Variants in KIF20B observed in about 807,000 individuals in gnomAD.
The protein encoded by KIF20B is kinesin family member 20B, also known as kinesin-like protein KIF20B.
In KIF20B, 188 loss-of-function variants were observed where a neutral mutation model predicts 232.5. The ratio of observed to expected loss-of-function variants is 0.81; its 90% CI spans 0.72 to 0.91. KIF20B has a LOEUF of 0.91. KIF20B is among the 40% of genes least tolerant of loss of function. KIF20B has a pLI of 0.00. For synonymous variants in KIF20B, 712 were observed against 683.0 expected (o/e 1.04, Z -0.66); for missense variants, 2,154 against 2,055.9 (o/e 1.05, Z -0.92).
At chr10:89,710,825 G>A in intron 5 of KIF20B, 136 bp from the exon 6 acceptor site, 1 of 571,928 alleles carries the variant, frequency 1.7e-6, no homozygotes, top group Non-Finnish European at 3.0e-6. Context: ...GGAAAACTGA[G>A]TAATCCTTAG....
At chr10:89,710,197 A>G (rs1184147073) in intron 5 of KIF20B, 132 bp downstream of exon 5, 2 of 702,204 alleles carry the variant, frequency 2.8e-6, no homozygotes, top group Non-Finnish European at 4.4e-6. Flanking sequence ...TAGTACTAGC[A>G]TATTATTACG....
In KIF20B at chr10:89,724,315, TC is replaced by T. The variant is rs559923106; in HGVS notation, c.1862+213del. ...GCCTAGGCAGGCGGATCACTGAAGG[TC>T]AGGAGGTCGAGATCAGCCTGGCCAA... On this transcript the variant is annotated intron_variant, in intron 14 of 32. Transcript: ENST00000371728. Among the ~76,000 whole-genome samples the T allele has an allele frequency of 1.5e-3, 234 of 152,216 alleles. 1 individual carries two copies. Among genetic ancestry groups the T allele is most frequent in the African/African-American group, 4.6e-3 (193 of 41,546 alleles).
At chr10:89,716,593 TTC>T in intron 9 of KIF20B, 46 bp downstream of exon 9, 1 of 919,518 alleles carries the variant, frequency 1.1e-6, no homozygotes, top group African/African-American at 1.7e-5. Context: ...ACCGATAGTA[TTC>T]TGTGTTAATT....
In KIF20B at chr10:89,705,277, T is replaced by C. The variant is rs1842699169; in HGVS notation, c.-1-17T>C. The C allele has an allele frequency of 1.9e-6, 3 of 1,612,444 alleles. No individual in the cohort carries two copies. In the South Asian group the frequency reaches 3.3e-5, roughly 18 times the overall value. ...GACTTATTAAGGTTGTTAAAGAAGT[T>C]GCTGTTATTCTTGCAGAATGGAATC... On this transcript the variant is annotated splice_polypyrimidine_tract_variant and intron_variant, in intron 1 of 32. Coordinates refer to ENST00000371728, the MANE Select transcript of KIF20B (RefSeq NM_001284259.2).
chr10:89,731,281 ATATAT>A (rs1233206390), intron 18 of KIF20B, among the ~76,000 whole-genome samples: 1 of 152,230 alleles, frequency 6.6e-6, no homozygotes, highest in African/African-American at 2.4e-5. Context: ...GCATACCATA[ATATAT>A]TAGCAATATT....
chr10:89,770,249 T>C (rs1370942355), intron 31 of KIF20B, among the ~76,000 whole-genome samples: 1 of 152,054 alleles, frequency 6.6e-6, no homozygotes, highest in Admixed American at 6.6e-5. Context: ...CTGAGGTGCT[T>C]CTGTAAGTTT....
rs764038536 is a variant in KIF20B at position 89,773,956 on chromosome 10, A to G, written c.5386-15A>G. On this transcript the variant is annotated splice_polypyrimidine_tract_variant and intron_variant, in intron 32 of 32. Transcript: ENST00000371728. The stretch of plus-strand genomic sequence containing the variant: ...ACTTACAAGCTTTGAAAAACTATGA[A>G]ATTTTTAATTTCAGATTTTAATGGA... 19 of 1,491,814 alleles carry G rather than the reference A, an allele frequency of 1.3e-5. No homozygotes were observed. The highest frequency in any genetic ancestry group is 1.7e-5 in the Non-Finnish European group (19 of 1,097,130). 92.4% of individuals were successfully genotyped at this position (1,491,814 alleles called of 1,614,324 possible).
chr10:89,761,360 C>G (rs902443878), intron 28 of KIF20B, among the ~76,000 whole-genome samples: 1 of 150,938 alleles, frequency 6.6e-6, no homozygotes, highest in Non-Finnish European at 1.5e-5. Flanking sequence ...CCAAGGAACA[C>G]TGAGGAAGAT....
In KIF20B at chr10:89,737,398, G is replaced by T. The variant is rs762003553; in HGVS notation, c.2557G>T (p.Val853Phe). 9.5e-6 allele frequency: 15 copies of T among 1,573,552 alleles called. No homozygotes were observed. In the African/African-American group the frequency reaches 1.7e-4, roughly 17 times the overall value. Residue 853 changes from valine to phenylalanine, a missense_variant, in exon 20 of 33, where the codon GTT (valine) becomes TTT (phenylalanine). Val to Phe is a conservative substitution (Grantham distance 50, BLOSUM62 -1). Transcript: ENST00000371728. ...TCTTATTTTTAAAGGGTCTATCCAT[G>T]TTAGTTCAGCTATCACTGAAGACCA... ...EPPAKKGSIH[V>F]SSAITEDQKK...
Position 89,745,889 on chromosome 10 carries a change from C to G in KIF20B, c.4036-10C>G. 2 of 1,560,164 alleles carry G rather than the reference C, an allele frequency of 1.3e-6. No homozygotes were observed. The highest frequency in any genetic ancestry group is 1.8e-6 in the Non-Finnish European group (2 of 1,131,090). On this transcript the variant is annotated splice_polypyrimidine_tract_variant and intron_variant, in intron 22 of 32. Coordinates refer to ENST00000371728, the MANE Select transcript of KIF20B (RefSeq NM_001284259.2). Reference sequence around the variant, plus strand: ...AATTTGCAATTAATTTATATTCTTTCAATTTGTAGGAGCAGTTAAATAATC... The same window carrying G: ...AATTTGCAATTAATTTATATTCTTTGAATTTGTAGGAGCAGTTAAATAATC...
rs369579248 is a variant in KIF20B at position 89,737,966 on chromosome 10, A to G, written c.3125A>G (p.Tyr1042Cys). Residue 1042 changes from tyrosine (Y) to cysteine (C), a missense_variant, in exon 20 of 33, where the codon TAT becomes TGT. Tyr to Cys is a radical substitution (Grantham distance 194). Transcript: ENST00000371728. ...DYLVSKQVKE[Y>C]RIQEPNRENS... is the part of the protein sequence containing the mutation. ...TTGGTAAGTAAGCAAGTTAAAGAAT[A>G]TCGAATTCAAGAACCCAATAGGGAA... 2 of 1,613,212 alleles carry G rather than the reference A, an allele frequency of 1.2e-6. No homozygotes were observed. The highest frequency in any genetic ancestry group is 1.7e-6 in the Non-Finnish European group (2 of 1,179,488).
intron 8 of KIF20B, 23 bp from the exon 9 acceptor site, chr10:89,716,413 T>A: frequency 1.0e-6 from 1 of 977,868 alleles, no homozygotes; most frequent in Non-Finnish European, 1.6e-6. Context: ...TAAATTAATA[T>A]ATATCCTCTT....
intron 3 of KIF20B, 40 bp from the exon 4 acceptor site, chr10:89,709,305 C>A (rs761820930): frequency 1.3e-6 from 2 of 1,584,090 alleles, no homozygotes; most frequent in South Asian, 2.3e-5. Flanking sequence ...TTTAAAATGG[C>A]AAAATACTAG....
In KIF20B at chr10:89,758,700, G is replaced by T; in HGVS notation, c.4504-6G>T. The T allele has an allele frequency of 6.4e-7, 1 of 1,554,582 alleles. No homozygotes were observed. The highest frequency in any genetic ancestry group is 2.0e-5 in the Admixed American group (1 of 48,888). On this transcript the variant is annotated splice_region_variant and splice_polypyrimidine_tract_variant and intron_variant, in intron 26 of 32. Transcript: ENST00000371728. ...GATTTTAATATTTTCTTTATTTCCT[G>T]ATTAGGAAATACTGACAGCCCAGCT...
At chr10:89,732,297 AT>A (rs1564664937) in intron 18 of KIF20B, among the ~76,000 whole-genome samples, 2 of 152,018 alleles carry the variant, frequency 1.3e-5, no homozygotes, top group African/African-American at 4.8e-5. Flanking sequence ...TGGAATTTTA[AT>A]TTTTTGTAGA....
intron 32 of KIF20B, 70 bp from the exon 33 acceptor site, chr10:89,773,901 C>T (rs1589316776): frequency 5.5e-6 from 5 of 902,742 alleles, no homozygotes; most frequent in East Asian, 2.6e-5. Context: ...ATGTCTTACT[C>T]ATTATAAACA....
chr10:89,708,467 T>G (rs1842772179), intron 2 of KIF20B, among the ~76,000 whole-genome samples: 1 of 152,198 alleles, frequency 6.6e-6, no homozygotes, highest in Non-Finnish European at 1.5e-5. Context: ...CGCCTCGGCC[T>G]CCCAAAGTGT....
chr10:89,743,961 G>A (rs999193187), intron 22 of KIF20B, 34 bp downstream of exon 22: 9 of 1,543,256 alleles, frequency 5.8e-6, no homozygotes, highest in Admixed American at 4.1e-5. Context: ...TGATTTAAAT[G>A]CATTCTCTTG....
intron 19 of KIF20B, among the ~76,000 whole-genome samples, chr10:89,737,161 G>A (rs1249327569): frequency 6.6e-6 from 1 of 151,860 alleles, no homozygotes; most frequent in Non-Finnish European, 1.5e-5. Context: ...TACTTCCTTT[G>A]CTAACTTTGT....
Sources: gnomAD v4.1 joint callset for allele counts (sites outside exome capture counted in the v4.1 genomes callset) on GRCh38, gnomAD v4.1.1 for gene constraint, MANE v1.5 for transcripts, NCBI Gene and HGNC (gene_info 2026-07-23, HGNC 2026-07-21) for gene names.